Variants in DACH1 observed in about 807,000 individuals in gnomAD.
DACH1 encodes dachshund family transcription factor 1.
A neutral mutation model predicts 54.2 loss-of-function variants in DACH1; 12 were observed. The observed-to-expected ratio is 0.22, with a 90% CI of 0.14 to 0.36. The LOEUF is 0.36. Among genes scored for constraint, DACH1 ranks in the 10% least tolerant of loss-of-function variants. The probability of loss-of-function intolerance (pLI) is 1.00; values close to 1 mark genes in which losing one functional copy is unlikely to be tolerated. For missense variants in DACH1, 805 were observed against 929.8 expected (o/e 0.87, Z 1.75); for synonymous variants, 386 against 366.2 (o/e 1.05, Z -0.62).
chr13:71,613,209 A>G (rs1245020964), intron 3 of DACH1, among the ~76,000 whole-genome samples: 2 of 152,192 alleles, frequency 1.3e-5, no homozygotes, highest in Admixed American at 6.5e-5. Flanking sequence ...ACAGAGATCC[A>G]CTGGCCAGTT....
At position 71,627,043 on chromosome 13, in the gene DACH1, T is replaced by C. The variant is rs1176198293; in HGVS notation, c.1126+3513A>G. ...TGTGCTGATGCCTCACTCGGATCTA[T>C]CCTCAGGTGCTCACTTCCTCCTAAA... On this transcript the variant is annotated intron_variant, in intron 3 of 10. Coordinates refer to ENST00000613252, the MANE Select transcript of DACH1 (RefSeq NM_080759.6). Among the ~76,000 whole-genome samples, 4 of 152,018 alleles carry C rather than the reference T, an allele frequency of 2.6e-5. No individual in the cohort carries two copies. In the East Asian group the frequency reaches 7.7e-4, roughly 29 times the overall value.
intron 1 of DACH1, among the ~76,000 whole-genome samples, chr13:71,807,523 A>G (rs1887555093): frequency 6.6e-6 from 1 of 152,092 alleles, no homozygotes; most frequent in Non-Finnish European, 1.5e-5. Flanking sequence ...CAGAGAGAAA[A>G]CAGAGTGTGT....
intron 1 of DACH1, among the ~76,000 whole-genome samples, chr13:71,723,106 T>A (rs1319751230): frequency 6.6e-6 from 1 of 151,976 alleles, no homozygotes; most frequent in Non-Finnish European, 1.5e-5. Context: ...ATAAAACCTA[T>A]TAAAATGTGT....
chr13:71,741,249 T>G (rs987995541), intron 1 of DACH1, among the ~76,000 whole-genome samples: 1 of 152,192 alleles, frequency 6.6e-6, no homozygotes, highest in South Asian at 2.1e-4. Context: ...CACATGGAAG[T>G]CATTCAATAA....
intron 2 of DACH1, among the ~76,000 whole-genome samples, chr13:71,668,629 A>T (rs910705354): frequency 1.1e-4 from 16 of 151,972 alleles, no homozygotes; most frequent in Non-Finnish European, 2.1e-4. Context: ...TTTTTTTTTA[A>T]AAATAAAGAA....
rs750702072 is a variant in DACH1, at chr13:71,475,170, C to A, written c.2054G>T (p.Gly685Val). The A allele has an allele frequency of 3.1e-6, 5 of 1,613,912 alleles. No individual in the cohort carries two copies. Among genetic ancestry groups the A allele is most frequent in the Non-Finnish European group, 4.2e-6 (5 of 1,179,862 alleles). The change falls in exon 10 of 11, where the codon GGC becomes GTC. Residue 685 changes from glycine (G) to valine (V), a missense_variant. Transcript: ENST00000613252. ...TATTGTCCTTTCAGCATCTGTTCTG[C>A]CGCCACTGCGGTCAGCCTCTATCTC... ...TPEIEADRSG[G>V]RTDAERTIQD...
intron 1 of DACH1, among the ~76,000 whole-genome samples, chr13:71,747,425 T>C (rs1163424733): frequency 6.6e-6 from 1 of 151,822 alleles, no homozygotes; most frequent in East Asian, 1.9e-4. Context: ...CTAAAAAAAT[T>C]AAAAAATTAG....
intron 1 of DACH1, among the ~76,000 whole-genome samples, chr13:71,861,774 A>G (rs1413893429): frequency 6.6e-6 from 1 of 151,932 alleles, no homozygotes; most frequent in Non-Finnish European, 1.5e-5. Context: ...ATTATCTGTT[A>G]GAAGTGAATC....
chr13:71,655,763 T>A (rs1452911838), intron 2 of DACH1, among the ~76,000 whole-genome samples: 1 of 152,156 alleles, frequency 6.6e-6, no homozygotes, highest in Non-Finnish European at 1.5e-5. Context: ...AATACTGCAG[T>A]CCTAAATCAG....
chr13:71,500,039 GA>G (rs1482781217), intron 6 of DACH1, among the ~76,000 whole-genome samples: 11 of 147,180 alleles, frequency 7.5e-5, no homozygotes, highest in East Asian at 2.0e-4. Flanking sequence ...ATTTCAGAAA[GA>G]AAAAAAAAAG....
intron 1 of DACH1, among the ~76,000 whole-genome samples, chr13:71,701,190 CT>C (rs1287884211): frequency 3.9e-5 from 6 of 151,932 alleles, no homozygotes; most frequent in Admixed American, 1.3e-4. Flanking sequence ...TCATTTAAAT[CT>C]TTTTTTAATA....
chr13:71,717,344 A>G (rs1050156848), intron 1 of DACH1, among the ~76,000 whole-genome samples: 1 of 152,166 alleles, frequency 6.6e-6, no homozygotes, highest in African/African-American at 2.4e-5. Context: ...TAAATAAATT[A>G]ACAAAATAGC....
intron 1 of DACH1, among the ~76,000 whole-genome samples, chr13:71,797,331 C>CA (rs1323009538): frequency 4.6e-5 from 7 of 151,860 alleles, no homozygotes; most frequent in East Asian, 3.9e-4. Flanking sequence ...GTGATGTGAT[C>CA]AAAAAAATTA....
chr13:71,692,767 C>T (rs1247596668), intron 1 of DACH1, among the ~76,000 whole-genome samples: 2 of 151,934 alleles, frequency 1.3e-5, no homozygotes, highest in African/African-American at 4.8e-5. Flanking sequence ...TTGATCCGCC[C>T]ATCTCAGCCT....
chr13:71,797,798 C>A (rs1195357868), intron 1 of DACH1, among the ~76,000 whole-genome samples: 2 of 152,092 alleles, frequency 1.3e-5, no homozygotes, highest in Non-Finnish European at 2.9e-5. Flanking sequence ...TTTACCGAGT[C>A]ATGAAATTTT....
intron 3 of DACH1, among the ~76,000 whole-genome samples, chr13:71,602,364 T>C (rs1204076257): frequency 3.3e-5 from 5 of 152,008 alleles, no homozygotes; most frequent in African/African-American, 1.2e-4. Context: ...TTAATTACAA[T>C]AAACCATATC....
At chr13:71,762,854 G>A (rs1885462330) in intron 1 of DACH1, among the ~76,000 whole-genome samples, 1 of 150,560 alleles carries the variant, frequency 6.6e-6, no homozygotes, top group Admixed American at 6.6e-5. Context: ...TTAAAATTTG[G>A]TACTATTAAT....
At chr13:71,804,335 G>GCTA (rs2138133206) in intron 1 of DACH1, among the ~76,000 whole-genome samples, 1 of 152,144 alleles carries the variant, frequency 6.6e-6, no homozygotes, top group Non-Finnish European at 1.5e-5. Flanking sequence ...CATAATACAT[G>GCTA]CTACTATAGG....
chr13:71,695,227 A>G (rs1594106458), intron 1 of DACH1, among the ~76,000 whole-genome samples: 1 of 152,162 alleles, frequency 6.6e-6, no homozygotes, highest in Non-Finnish European at 1.5e-5. Flanking sequence ...CTTCCCTTAC[A>G]GTCCAGGACC....
Sources: gnomAD v4.1 joint callset for allele counts (sites outside exome capture counted in the v4.1 genomes callset) on GRCh38, gnomAD v4.1.1 for gene constraint, MANE v1.5 for transcripts, NCBI Gene and HGNC (gene_info 2026-07-23, HGNC 2026-07-21) for gene names.